GRM5: variants seen among roughly 807,000 people sequenced by gnomAD.
The protein encoded by GRM5 is glutamate metabotropic receptor 5.
Under a neutral mutation model 83.1 loss-of-function variants are expected in GRM5, and 19 were observed. The ratio of observed to expected loss-of-function variants is 0.23; its 90% CI spans 0.16 to 0.34. The LOEUF (loss-of-function observed/expected upper bound fraction) is 0.34, where lower values mean the gene tolerates loss of function less well. Ranked by LOEUF, GRM5 falls within the 10% of genes least tolerant of loss-of-function variation. The pLI is 1.00. For synonymous variants in GRM5, 675 were observed against 633.6 expected (o/e 1.07, Z -0.98); for missense variants, 1,160 against 1,588.3 (o/e 0.73, Z 4.58).
chr11:88,531,878 C>A (rs1422701863), intron 8 of GRM5, among the ~76,000 whole-genome samples: 2 of 152,014 alleles, frequency 1.3e-5, no homozygotes, highest in Non-Finnish European at 2.9e-5. Context: ...CCGTAGTCTT[C>A]CCCTTGAAGG....
At chr11:88,696,200 C>A (rs1940898327) in intron 3 of GRM5, among the ~76,000 whole-genome samples, 1 of 152,106 alleles carries the variant, frequency 6.6e-6, no homozygotes, top group Non-Finnish European at 1.5e-5. Flanking sequence ...TCCCACTGCT[C>A]CTGGCTGAAT....
At chr11:88,990,631 G>A (rs1346266771) in intron 2 of GRM5, among the ~76,000 whole-genome samples, 30 of 149,020 alleles carry the variant, frequency 2.0e-4, no homozygotes, top group East Asian at 4.0e-4. Context: ...CTGGCAAAAC[G>A]AATCCAGCAG....
intron 9 of GRM5, among the ~76,000 whole-genome samples, chr11:88,521,811 C>A (rs1433537660): frequency 2.0e-5 from 3 of 152,168 alleles, no homozygotes; most frequent in African/African-American, 7.2e-5. Context: ...CCTTTCCCAG[C>A]ATGAGGGTTG....
chr11:88,659,528 T>A (rs568844944), intron 3 of GRM5, among the ~76,000 whole-genome samples: 1 of 152,300 alleles, frequency 6.6e-6, no homozygotes, highest in East Asian at 1.9e-4. Context: ...TAATTATACA[T>A]CTGTAAAGAT....
intron 2 of GRM5, among the ~76,000 whole-genome samples, chr11:89,034,031 C>G (rs531557819): frequency 1.0e-5 from 1 of 100,148 alleles, no homozygotes; most frequent in Non-Finnish European, 2.1e-5. Flanking sequence ...GAGTTCCACA[C>G]AGATAATTAG....
chr11:88,927,131 T>A (rs1337964110), intron 2 of GRM5, among the ~76,000 whole-genome samples: 1 of 152,104 alleles, frequency 6.6e-6, no homozygotes, highest in Non-Finnish European at 1.5e-5. Context: ...CTGGGGTGGT[T>A]TGGATGAACT....
chr11:88,571,144 G>A (rs1281518006), intron 7 of GRM5, among the ~76,000 whole-genome samples: 2 of 152,024 alleles, frequency 1.3e-5, no homozygotes, highest in Non-Finnish European at 1.5e-5. Context: ...ATGTAATTAA[G>A]TTTAATTTCT....
rs1449272257 is a variant in GRM5 at position 88,846,023 on chromosome 11, T to A, written c.911+3883A>T. On this transcript the variant is annotated intron_variant, in intron 3 of 9. Transcript: ENST00000305447. ...TCATTTCCATTTTGAAAAATATTGA[T>A]GTAGATTGACCTCTAAGAAATGCTT... is the stretch of plus-strand genomic sequence containing the variant. 2.0e-5 allele frequency among the ~76,000 whole-genome samples: 3 copies of A among 152,206 alleles called. No homozygotes were observed. The East Asian group carries it at 5.8e-4, about 29-fold the overall frequency.
At chr11:89,064,350 G>T (rs1290888989) in intron 1 of GRM5, among the ~76,000 whole-genome samples, 2 of 152,040 alleles carry the variant, frequency 1.3e-5, no homozygotes, top group Non-Finnish European at 2.9e-5. Flanking sequence ...ATGACTTTAG[G>T]CTCTGTGGAT....
At chr11:88,602,228 G>T (rs2135227788) in intron 5 of GRM5, among the ~76,000 whole-genome samples, 1 of 152,218 alleles carries the variant, frequency 6.6e-6, no homozygotes, top group Admixed American at 6.5e-5. Flanking sequence ...AAATATTAAT[G>T]TGTTTATTAG....
chr11:88,719,068 T>C (rs1045700291), intron 3 of GRM5, among the ~76,000 whole-genome samples: 2 of 151,938 alleles, frequency 1.3e-5, no homozygotes, highest in African/African-American at 4.8e-5. Flanking sequence ...TGACATACTT[T>C]TTTTTTTAAC....
At chr11:88,616,194 G>T (rs1307243963) in intron 4 of GRM5, among the ~76,000 whole-genome samples, 2 of 152,076 alleles carry the variant, frequency 1.3e-5, no homozygotes, top group Non-Finnish European at 2.9e-5. Context: ...CCCAAGTTTT[G>T]TTAATAATAA....
intron 7 of GRM5, 53 bp downstream of exon 7, chr11:88,590,548 C>G: frequency 6.7e-7 from 1 of 1,503,756 alleles, no homozygotes. Context: ...CCCTCTCCCA[C>G]GTCTGCACCA....
intron 3 of GRM5, among the ~76,000 whole-genome samples, chr11:88,723,736 T>C (rs991415555): frequency 6.6e-6 from 1 of 152,144 alleles, no homozygotes; most frequent in Non-Finnish European, 1.5e-5. Flanking sequence ...TCACTCTTCA[T>C]AGCTCCTAGC....
chr11:89,008,778 G>A (rs1209021995), intron 2 of GRM5, among the ~76,000 whole-genome samples: 3 of 152,066 alleles, frequency 2.0e-5, no homozygotes, highest in South Asian at 2.1e-4. Context: ...CTACAAATAC[G>A]ATTACCATCC....
At chr11:89,039,821 G>A (rs925173652) in intron 2 of GRM5, among the ~76,000 whole-genome samples, 2 of 152,130 alleles carry the variant, frequency 1.3e-5, no homozygotes, top group Non-Finnish European at 2.9e-5. Context: ...GGTTGCATTT[G>A]ATATTGGTCT....
At chr11:88,722,536 C>T (rs1430066623) in intron 3 of GRM5, among the ~76,000 whole-genome samples, 1 of 152,116 alleles carries the variant, frequency 6.6e-6, no homozygotes, top group East Asian at 1.9e-4. Flanking sequence ...CTTCCTAGAT[C>T]TCTCAGATTT....
At position 88,850,094 on chromosome 11, in the gene GRM5, G is replaced by A. The variant is rs553206095; in HGVS notation, c.723C>T (p.Cys241=). 5.6e-6 allele frequency: 8 copies of A among 1,424,824 alleles called. No homozygotes were observed. The African/African-American group carries it at 9.8e-5, about 17-fold the overall frequency. 88.3% of individuals were successfully genotyped at this position (1,424,824 alleles called of 1,614,324 possible). A position where few individuals can be genotyped will look rare whatever the true frequency, so the allele number is the denominator to read the frequency against. The change falls in exon 3 of 10, where the codon TGC becomes TGT. Residue 241 remains cysteine, a synonymous_variant. Coordinates refer to ENST00000305447, the MANE Select transcript of GRM5 (RefSeq NM_001143831.3). ...TGTAGATTTTGTAAGAGTGGGCGAT[G>A]CAAATCCCTTCCTTCGCTGACATAT... is the stretch of plus-strand genomic sequence containing the variant. The part of the protein sequence containing the change: ...FKDMSAKEGI[C]IAHSYKIYSN...
At chr11:88,803,092 T>C (rs1244026331) in intron 3 of GRM5, among the ~76,000 whole-genome samples, 1 of 144,498 alleles carries the variant, frequency 6.9e-6, no homozygotes, top group Non-Finnish European at 1.5e-5. Flanking sequence ...ATCAATATCA[T>C]GAAAATGGCC....
Sources: gnomAD v4.1 joint callset for allele counts (sites outside exome capture counted in the v4.1 genomes callset) on GRCh38, gnomAD v4.1.1 for gene constraint, MANE v1.5 for transcripts, NCBI Gene and HGNC (gene_info 2026-07-23, HGNC 2026-07-21) for gene names.